Variants in CAB39L observed in about 807,000 individuals in gnomAD.
The protein encoded by CAB39L is calcium binding protein 39 like.
CAB39L carries 23 observed loss-of-function variants against 39.1 expected under a neutral mutation model. The observed-to-expected ratio is 0.59, with a 90% confidence interval of 0.42 to 0.83. CAB39L has a LOEUF of 0.83. CAB39L is among the 40% of genes least tolerant of loss of function. The pLI is 0.00. For missense variants in CAB39L, 366 were observed against 391.9 expected (o/e 0.93, Z 0.56); for synonymous variants, 126 against 137.2 (o/e 0.92, Z 0.57).
chr13:49,416,716 AAC>A (rs1274160398), intron 3 of CAB39L, among the ~76,000 whole-genome samples: 1 of 152,230 alleles, frequency 6.6e-6, no homozygotes, highest in Non-Finnish European at 1.5e-5. Flanking sequence ...AAATGGAAAT[AAC>A]ATACCTATGT....
chr13:49,360,790 C>T (rs1387260345), intron 5 of CAB39L, among the ~76,000 whole-genome samples: 10 of 152,238 alleles, frequency 6.6e-5, no homozygotes. Flanking sequence ...ATATGGGACT[C>T]TTTCCCCTTT....
At chr13:49,385,838 C>T (rs1424520598) in intron 3 of CAB39L, among the ~76,000 whole-genome samples, 1 of 152,138 alleles carries the variant, frequency 6.6e-6, no homozygotes, top group Non-Finnish European at 1.5e-5. Context: ...CATCAGAGAT[C>T]ACTGATCACA....
At chr13:49,394,185 A>G (rs922184612) in intron 3 of CAB39L, among the ~76,000 whole-genome samples, 8 of 152,036 alleles carry the variant, frequency 5.3e-5, no homozygotes, top group Non-Finnish European at 1.0e-4. Flanking sequence ...GAGGGCTAAT[A>G]TCATTACAAA....
chr13:49,420,025 C>T (rs931043173), intron 3 of CAB39L, among the ~76,000 whole-genome samples: 1 of 152,072 alleles, frequency 6.6e-6, no homozygotes, highest in South Asian at 2.1e-4. Context: ...CAATCACAGC[C>T]ATCATAAAAT....
chr13:49,357,563 CTTTT>C (rs1166629171), intron 6 of CAB39L, among the ~76,000 whole-genome samples: 1 of 152,168 alleles, frequency 6.6e-6, no homozygotes, highest in African/African-American at 2.4e-5. Flanking sequence ...GATGTACTTT[CTTTT>C]TCTGTTCTAC....
Position 49,353,206 on chromosome 13 carries a change from T to G in CAB39L, c.396-2294A>C, listed in dbSNP as rs543184182. On this transcript the variant is annotated intron_variant, in intron 6 of 10. Transcript: ENST00000409308. ...CAATTTATAGTGCTAGCAATTTCTCTTATTAGAAAAACCTGAAACTCAGCC... is the reference window on the plus strand; with the variant it reads ...CAATTTATAGTGCTAGCAATTTCTCGTATTAGAAAAACCTGAAACTCAGCC... 1.4e-4 allele frequency among the ~76,000 whole-genome samples: 21 copies of G among 152,350 alleles called. No individual in the cohort carries two copies. In the South Asian group the frequency reaches 4.4e-3, roughly 32 times the overall value.
chr13:49,401,197 A>T (rs1224415304), intron 3 of CAB39L: 2 of 152,190 alleles, frequency 1.3e-5, no homozygotes, highest in African/African-American at 4.8e-5. Flanking sequence ...TGAGGTGCTG[A>T]AGACAGCTCT....
intron 10 of CAB39L, among the ~76,000 whole-genome samples, chr13:49,329,777 G>C (rs1009207654): frequency 6.6e-6 from 1 of 151,566 alleles, no homozygotes; most frequent in African/African-American, 2.4e-5. Context: ...CCTGTAACTA[G>C]GCAGCTTAAC....
chr13:49,358,933 T>C (rs1955557433), intron 6 of CAB39L, among the ~76,000 whole-genome samples: 1 of 152,232 alleles, frequency 6.6e-6, no homozygotes, highest in African/African-American at 2.4e-5. Context: ...TTTTAAACTA[T>C]GTATTATTTT....
chr13:49,344,028 C>T, intron 8 of CAB39L, 151 bp downstream of exon 8: 1 of 636,384 alleles, frequency 1.6e-6, no homozygotes, highest in Admixed American at 3.2e-5. Context: ...CATAAAGTTT[C>T]CTGATGACCT....
chr13:49,344,063 G>T (rs918141481), intron 8 of CAB39L, 116 bp downstream of exon 8: 3 of 705,324 alleles, frequency 4.3e-6, no homozygotes, highest in Non-Finnish European at 2.5e-6. Flanking sequence ...CAAATCAGGA[G>T]TATGGTTGAA....
chr13:49,348,979 T>C (rs754538889), intron 7 of CAB39L, among the ~76,000 whole-genome samples: 1 of 152,098 alleles, frequency 6.6e-6, no homozygotes. Flanking sequence ...CCCACTGACA[T>C]CTCCTACCCT....
intron 10 of CAB39L, among the ~76,000 whole-genome samples, chr13:49,317,056 G>A (rs771761981): frequency 1.3e-5 from 2 of 152,114 alleles, no homozygotes; most frequent in Non-Finnish European, 2.9e-5. Context: ...TTGGACTTCT[G>A]GCCTCCAGAA....
intron 6 of CAB39L, among the ~76,000 whole-genome samples, chr13:49,357,243 T>C (rs552931254): frequency 7.2e-5 from 11 of 152,288 alleles, no homozygotes; most frequent in African/African-American, 1.7e-4. Context: ...GGCTCTGTCA[T>C]GTATTAGCCA....
At chr13:49,376,784 T>C (rs1956071574) in intron 5 of CAB39L, among the ~76,000 whole-genome samples, 183 bp downstream of exon 5, 2 of 152,202 alleles carry the variant, frequency 1.3e-5, no homozygotes, top group Admixed American at 1.3e-4. Flanking sequence ...AACTTAACTA[T>C]AGTTTGGCTT....
At chr13:49,378,736 G>A (rs1594022825) in intron 4 of CAB39L, among the ~76,000 whole-genome samples, 1 of 49,186 alleles carries the variant, frequency 2.0e-5, no homozygotes, top group Admixed American at 1.5e-4. Flanking sequence ...CCCCCGCCCG[G>A]CCAGCCGCCC....
intron 10 of CAB39L, among the ~76,000 whole-genome samples, chr13:49,329,594 T>C (rs1269351493): frequency 8.3e-6 from 1 of 120,268 alleles, no homozygotes; most frequent in Non-Finnish European, 1.7e-5. Flanking sequence ...TATATATATA[T>C]ATAATGATGT....
intron 10 of CAB39L, among the ~76,000 whole-genome samples, chr13:49,311,706 TA>T (rs1216854637): frequency 4.6e-5 from 7 of 151,924 alleles, no homozygotes; most frequent in African/African-American, 1.7e-4. Context: ...AAGTAAAAAA[TA>T]AAAAACTTTA....
At chr13:49,362,223 A>G (rs1352665377) in intron 5 of CAB39L, among the ~76,000 whole-genome samples, 1 of 152,122 alleles carries the variant, frequency 6.6e-6, no homozygotes, top group Non-Finnish European at 1.5e-5. Context: ...ACCATCCAAG[A>G]AAACATGACC....
Sources: allele counts gnomAD v4.1 joint callset (sites outside exome capture counted in the v4.1 genomes callset), GRCh38; gene constraint gnomAD v4.1.1; transcripts MANE v1.5; gene names NCBI Gene and HGNC (gene_info 2026-07-23, HGNC 2026-07-21).